The following NDUFAF2 variants were observed in gnomAD, a reference collection of about 807,000 sequenced individuals.
NDUFAF2 encodes NADH:ubiquinone oxidoreductase complex assembly factor 2.
NDUFAF2 carries 13 observed loss-of-function variants against 22.8 expected under a neutral mutation model. The observed-to-expected ratio is 0.57, with a 90% CI of 0.37 to 0.91. The LOEUF (loss-of-function observed/expected upper bound fraction) is 0.91, where lower values mean the gene tolerates loss of function less well. Among genes scored for constraint, NDUFAF2 ranks in the 40% least tolerant of loss-of-function variants. The pLI is 0.01. For synonymous variants in NDUFAF2, 53 were observed against 64.2 expected (o/e 0.83, Z 0.84); for missense variants, 162 against 195.2 (o/e 0.83, Z 1.01).
intron 3 of NDUFAF2, among the ~76,000 whole-genome samples, chr5:61,148,410 CTAG>C (rs1438628915): frequency 1.3e-5 from 2 of 152,212 alleles, no homozygotes; most frequent in African/African-American, 4.8e-5. Context: ...TTGTCTGAAA[CTAG>C]TAGATTACCT....
chr5:61,137,278 A>G (rs551278484), intron 3 of NDUFAF2, among the ~76,000 whole-genome samples: 2 of 152,292 alleles, frequency 1.3e-5, no homozygotes, highest in African/African-American at 2.4e-5. Flanking sequence ...AGCTAGACCC[A>G]TGGAGTCATT....
chr5:61,144,167 T>G (rs904205173), intron 3 of NDUFAF2, among the ~76,000 whole-genome samples: 3 of 152,138 alleles, frequency 2.0e-5, no homozygotes, highest in Non-Finnish European at 2.9e-5. Context: ...AATTTTATGC[T>G]TACCATGAAT....
intron 1 of NDUFAF2, among the ~76,000 whole-genome samples, chr5:60,986,167 C>A (rs1751072647): frequency 1.3e-5 from 2 of 152,130 alleles, no homozygotes; most frequent in African/African-American, 4.8e-5. Flanking sequence ...GGAAGGAAAT[C>A]AGTATATCAA....
intron 1 of NDUFAF2, among the ~76,000 whole-genome samples, chr5:60,987,322 A>T (rs329625): frequency 0.64 from 96,609 of 151,974 alleles, 31,134 homozygotes; most frequent in East Asian, 0.94. Context: ...CAGGATGAGA[A>T]AGATTCTTGG....
intron 3 of NDUFAF2, among the ~76,000 whole-genome samples, chr5:61,129,398 T>A (rs1182726885): frequency 2.6e-5 from 4 of 152,044 alleles, no homozygotes; most frequent in East Asian, 3.9e-4. Flanking sequence ...AACCCAAATG[T>A]CCAACAATGA....
intron 1 of NDUFAF2, among the ~76,000 whole-genome samples, chr5:60,984,733 A>AG (rs1751044730): frequency 6.6e-6 from 1 of 152,214 alleles, no homozygotes; most frequent in South Asian, 2.1e-4. Context: ...CTTGCATCCC[A>AG]GGGATGAAGC....
chr5:60,959,239 T>G (rs1482683271), intron 1 of NDUFAF2, among the ~76,000 whole-genome samples: 1 of 152,078 alleles, frequency 6.6e-6, no homozygotes, highest in Non-Finnish European at 1.5e-5. Flanking sequence ...ATTTGGGAAA[T>G]TATGAAGACA....
At chr5:61,134,993 G>T (rs1740901677) in intron 3 of NDUFAF2, among the ~76,000 whole-genome samples, 1 of 151,410 alleles carries the variant, frequency 6.6e-6, no homozygotes, top group African/African-American at 2.4e-5. Flanking sequence ...CAGTAATATT[G>T]GCATTTTTAT....
intron 3 of NDUFAF2, among the ~76,000 whole-genome samples, chr5:61,113,439 AT>A: frequency 6.6e-6 from 1 of 152,162 alleles, no homozygotes; most frequent in South Asian, 2.1e-4. Flanking sequence ...CTAGGATGAT[AT>A]GGTTTGGCTG....
chr5:60,985,868 A>T (rs1210726402), intron 1 of NDUFAF2, among the ~76,000 whole-genome samples: 3 of 152,174 alleles, frequency 2.0e-5, no homozygotes, highest in Non-Finnish European at 4.4e-5. Flanking sequence ...GGTAGTTACA[A>T]TTCAAGATGA....
intron 1 of NDUFAF2, among the ~76,000 whole-genome samples, chr5:61,012,779 A>T (rs1751458069): frequency 6.6e-6 from 1 of 152,028 alleles, no homozygotes; most frequent in Non-Finnish European, 1.5e-5. Flanking sequence ...TTCTAACTAG[A>T]ATGAATATTT....
intron 1 of NDUFAF2, among the ~76,000 whole-genome samples, chr5:61,027,673 T>G (rs1380197189): frequency 6.6e-6 from 1 of 151,940 alleles, no homozygotes; most frequent in Non-Finnish European, 1.5e-5. Context: ...CTTTCTTCCC[T>G]CCTTGCCCAC....
At chr5:61,145,377 TTAATC>T (rs1741124046) in intron 3 of NDUFAF2, among the ~76,000 whole-genome samples, 1 of 152,332 alleles carries the variant, frequency 6.6e-6, no homozygotes, top group South Asian at 2.1e-4. Context: ...TTTCTCTTTT[TTAATC>T]TAATCCTTCA....
chr5:60,962,727 G>A (rs1009853883), intron 1 of NDUFAF2, among the ~76,000 whole-genome samples: 1 of 151,256 alleles, frequency 6.6e-6, no homozygotes, highest in African/African-American at 2.4e-5. Context: ...CAGCTACTTT[G>A]GAGTCTGAGG....
Position 61,114,490 on chromosome 5 carries a change from G to C in NDUFAF2, c.258+15458G>C, listed in dbSNP as rs190559879. ...TCAAAATAGCTATTTTGAATTCTCT[G>C]TCTGAAAGGTCACATATCTCTGTCT... On this transcript the variant is annotated intron_variant, in intron 3 of 3. Transcript: ENST00000296597. 2.0e-3 allele frequency: 312 copies of C among 152,268 alleles called. 2 individuals are homozygous for C. Among genetic ancestry groups the C allele is most frequent in the African/African-American group, 7.2e-3 (299 of 41,544 alleles). The allele number at this position is 152,268 out of a possible 1,614,324, so 9.4% of individuals were successfully genotyped here.
intron 2 of NDUFAF2, among the ~76,000 whole-genome samples, chr5:61,097,123 G>T (rs1038466234): frequency 6.6e-6 from 1 of 152,130 alleles, no homozygotes; most frequent in Non-Finnish European, 1.5e-5. Context: ...TCCCAAGCCC[G>T]CAGTTGAATG....
chr5:60,976,477 A>C (rs538460527), intron 1 of NDUFAF2, among the ~76,000 whole-genome samples: 13 of 152,098 alleles, frequency 8.5e-5, no homozygotes, highest in Non-Finnish European at 1.8e-4. Context: ...CATATAGCTG[A>C]TATTTTGTCA....
intron 3 of NDUFAF2, among the ~76,000 whole-genome samples, chr5:61,107,800 A>G (rs1450667235): frequency 3.6e-5 from 5 of 139,468 alleles, no homozygotes; most frequent in East Asian, 2.3e-4. Context: ...ATATCTCCCA[A>G]TGCTATCCCT....
chr5:60,970,856 CATT>C (rs1487092592), intron 1 of NDUFAF2, among the ~76,000 whole-genome samples: 2 of 152,046 alleles, frequency 1.3e-5, no homozygotes, highest in African/African-American at 4.8e-5. Flanking sequence ...AACTCTTCAT[CATT>C]GATTATGTTA....
Sources: gnomAD v4.1 joint callset for allele counts (sites outside exome capture counted in the v4.1 genomes callset) on GRCh38, gnomAD v4.1.1 for gene constraint, MANE v1.5 for transcripts, NCBI Gene and HGNC (gene_info 2026-07-23, HGNC 2026-07-21) for gene names.